Variants in SLC24A2 observed in about 807,000 individuals in gnomAD.
The protein encoded by SLC24A2 is solute carrier family 24 member 2.
A neutral mutation model predicts 62.0 loss-of-function variants in SLC24A2; 36 were observed. The ratio of observed to expected loss-of-function variants is 0.58; its 90% CI spans 0.44 to 0.77. The LOEUF is 0.77. Ranked by LOEUF, SLC24A2 falls within the 30% of genes least tolerant of loss-of-function variation. The probability of loss-of-function intolerance (pLI) is 0.00; values close to 1 mark genes in which losing one functional copy is unlikely to be tolerated. For synonymous variants in SLC24A2, 358 were observed against 294.0 expected (o/e 1.22, Z -2.23); for missense variants, 846 against 817.9 (o/e 1.03, Z -0.42).
chr9:19,638,553 C>G (rs148190088), intron 2 of SLC24A2, among the ~76,000 whole-genome samples: 1 of 152,118 alleles, frequency 6.6e-6, no homozygotes, highest in African/African-American at 2.4e-5. Flanking sequence ...TAGACTGTGA[C>G]ATTTTTATTT....
At chr9:19,569,698 A>C (rs760573445) in intron 7 of SLC24A2, among the ~76,000 whole-genome samples, 3 of 152,064 alleles carry the variant, frequency 2.0e-5, no homozygotes, top group Non-Finnish European at 4.4e-5. Flanking sequence ...CTGACTTCCA[A>C]TGGCTTCTTG....
the SLC24A2 span, among the ~76,000 whole-genome samples, chr9:20,196,956 C>T: frequency 6.6e-6 from 1 of 152,128 alleles, no homozygotes; most frequent in South Asian, 2.1e-4. Context: ...ATTATATAAA[C>T]AAGGCATTGC....
chr9:20,072,340 T>C, the SLC24A2 span, among the ~76,000 whole-genome samples: 3 of 152,206 alleles, frequency 2.0e-5, no homozygotes, highest in East Asian at 5.8e-4. Flanking sequence ...GATTAGAGTC[T>C]TGCCTTGAGT....
intron 2 of SLC24A2, among the ~76,000 whole-genome samples, chr9:19,731,099 A>G (rs1295232510): frequency 6.6e-6 from 1 of 152,182 alleles, no homozygotes; most frequent in Non-Finnish European, 1.5e-5. Context: ...CAGCTGATAA[A>G]TCAAGTTTAG....
chr9:20,033,426 G>A, the SLC24A2 span, among the ~76,000 whole-genome samples: 1 of 152,232 alleles, frequency 6.6e-6, no homozygotes, highest in East Asian at 1.9e-4. Flanking sequence ...AGAAATAAAT[G>A]AAAAAATGAA....
At chr9:20,122,141 T>C in the SLC24A2 span, among the ~76,000 whole-genome samples, 1 of 152,296 alleles carries the variant, frequency 6.6e-6, no homozygotes, top group South Asian at 2.1e-4. Flanking sequence ...GGGTCTCTTG[T>C]TCACAAGTTA....
chr9:20,135,874 G>C, the SLC24A2 span, among the ~76,000 whole-genome samples: 2 of 151,978 alleles, frequency 1.3e-5, no homozygotes, highest in African/African-American at 4.8e-5. Context: ...ACATAATAAA[G>C]AAAGAGCAAG....
chr9:20,183,679 G>T, the SLC24A2 span, among the ~76,000 whole-genome samples: 1 of 152,198 alleles, frequency 6.6e-6, no homozygotes, highest in Non-Finnish European at 1.5e-5. Context: ...GATGAGCAGA[G>T]GATGGAAGAG....
the SLC24A2 span, among the ~76,000 whole-genome samples, chr9:20,251,331 G>C: frequency 1.4e-5 from 2 of 145,460 alleles, no homozygotes; most frequent in African/African-American, 2.5e-5. Context: ...AATGAGTCTA[G>C]CAAATTCCTT....
the SLC24A2 span, among the ~76,000 whole-genome samples, chr9:19,913,959 C>T: frequency 6.6e-6 from 1 of 151,898 alleles, no homozygotes; most frequent in Non-Finnish European, 1.5e-5. Context: ...CTCACTATGC[C>T]AGCTCCTTCT....
chr9:19,787,658 CA>C (rs935165093), intron 1 of SLC24A2, among the ~76,000 whole-genome samples: 28 of 151,352 alleles, frequency 1.8e-4, no homozygotes, highest in African/African-American at 5.6e-4. Context: ...TTTAAGTTTA[CA>C]AAAAAAAATT....
At chr9:19,819,556 T>A in the SLC24A2 span, among the ~76,000 whole-genome samples, 1 of 151,868 alleles carries the variant, frequency 6.6e-6, no homozygotes, top group Admixed American at 6.6e-5. Flanking sequence ...AGGACATGAA[T>A]AGACAATTCT....
chr9:19,978,262 T>G, the SLC24A2 span, among the ~76,000 whole-genome samples: 1 of 152,192 alleles, frequency 6.6e-6, no homozygotes, highest in South Asian at 2.1e-4. Context: ...ATATGATCAT[T>G]CAATACCATC....
chr9:19,776,180 AC>A (rs1822840646), intron 2 of SLC24A2, among the ~76,000 whole-genome samples: 4 of 152,340 alleles, frequency 2.6e-5, no homozygotes, highest in Admixed American at 2.6e-4. Context: ...TTGACAGCTC[AC>A]AATGTGAAAA....
intron 8 of SLC24A2, among the ~76,000 whole-genome samples, chr9:19,543,391 ATTTTTTT>A (rs145894518): frequency 6.9e-6 from 1 of 145,108 alleles, no homozygotes; most frequent in Non-Finnish European, 1.5e-5. Context: ...GGATTCATTG[ATTTTTTT>A]TTTTTTGAAG....
the SLC24A2 span, among the ~76,000 whole-genome samples, chr9:20,187,745 A>T: frequency 6.6e-6 from 1 of 152,048 alleles, no homozygotes; most frequent in African/African-American, 2.4e-5. Context: ...ACGACATCTG[A>T]GCATCTTGTG....
At chr9:20,249,457 G>A in the SLC24A2 span, among the ~76,000 whole-genome samples, 1 of 152,112 alleles carries the variant, frequency 6.6e-6, no homozygotes, top group Admixed American at 6.5e-5. Context: ...TGTAATCACA[G>A]CACTTTGGGA....
the SLC24A2 span, among the ~76,000 whole-genome samples, chr9:19,834,645 C>T: frequency 2.6e-5 from 4 of 152,228 alleles, no homozygotes; most frequent in African/African-American, 9.6e-5. Flanking sequence ...AGCTGGAAAA[C>T]ATTCTGCAGG....
intron 2 of SLC24A2, among the ~76,000 whole-genome samples, chr9:19,774,138 T>C (rs1215706529): frequency 1.3e-5 from 2 of 152,086 alleles, no homozygotes; most frequent in Non-Finnish European, 2.9e-5. Context: ...AGTAGGCTTG[T>C]AGCACAGAGA....
Sources: gnomAD v4.1 joint callset for allele counts (sites outside exome capture counted in the v4.1 genomes callset) on GRCh38, gnomAD v4.1.1 for gene constraint, MANE v1.5 for transcripts, NCBI Gene and HGNC (gene_info 2026-07-23, HGNC 2026-07-21) for gene names.